The following WDFY3 variants were observed in gnomAD, a reference collection of about 807,000 sequenced individuals.
The protein encoded by WDFY3 is WD repeat and FYVE domain containing 3, also known as WD repeat and FYVE domain-containing protein 3.
In WDFY3, 66 loss-of-function variants were observed where a neutral mutation model predicts 409.6. That is an observed-to-expected ratio of 0.16 (90% confidence interval 0.13 to 0.20). The LOEUF (loss-of-function observed/expected upper bound fraction) is 0.20. WDFY3 is among the 10% of genes least tolerant of loss of function. WDFY3 has a pLI of 1.00. For missense variants in WDFY3, 3,031 were observed against 4,298.1 expected (o/e 0.71, Z 8.24); for synonymous variants, 1,521 against 1,537.1 (o/e 0.99, Z 0.25).
chr4:84,722,135 C>T (rs1451665222), intron 46 of WDFY3, among the ~76,000 whole-genome samples: 1 of 152,110 alleles, frequency 6.6e-6, no homozygotes, highest in Non-Finnish European at 1.5e-5. Context: ...CACCTATAAT[C>T]CCAGCACTTT....
intron 43 of WDFY3, among the ~76,000 whole-genome samples, chr4:84,734,602 C>T (rs1737129504): frequency 6.6e-6 from 1 of 152,146 alleles, no homozygotes; most frequent in Admixed American, 6.5e-5. Context: ...ACATAATCAC[C>T]AAGCACTTGT....
intron 2 of WDFY3, among the ~76,000 whole-genome samples, chr4:84,912,537 G>A (rs1767927650): frequency 6.6e-6 from 1 of 152,172 alleles, no homozygotes; most frequent in African/African-American, 2.4e-5. Context: ...AAAATAACAT[G>A]AAGGATCTAA....
intron 8 of WDFY3, among the ~76,000 whole-genome samples, chr4:84,831,185 CAAAAAAAAA>C (rs56810528): frequency 1.4e-4 from 14 of 103,356 alleles, no homozygotes; most frequent in Admixed American, 7.6e-4. Flanking sequence ...AGACTCCATC[CAAAAAAAAA>C]AAAAAAAAGA....
At chr4:84,773,764 A>G (rs1363717574) in intron 29 of WDFY3, among the ~76,000 whole-genome samples, 1 of 152,208 alleles carries the variant, frequency 6.6e-6, no homozygotes, top group Non-Finnish European at 1.5e-5. Flanking sequence ...CTTGTCACCC[A>G]GGCTGGAGTG....
rs923360413 is a variant in WDFY3, at chr4:84,817,593, G to A, written c.1694-8C>T. ...CAAATTCTCGAAAAATTCCTTGAAG[G>A]AAGGAGAAAAAGTCCAACAATGGCT... On this transcript the variant is annotated splice_polypyrimidine_tract_variant and splice_region_variant and intron_variant, in intron 12 of 67. Transcript: ENST00000295888. 2 of 1,587,194 alleles carry A rather than the reference G, an allele frequency of 1.3e-6. No homozygotes were observed. The highest frequency in any genetic ancestry group is 2.7e-5 in the African/African-American group (2 of 73,740).
At position 84,831,446 on chromosome 4, in the gene WDFY3, C is replaced by T; in HGVS notation, c.736G>A (p.Gly246Ser). 2 of 1,613,274 alleles carry T rather than the reference C, an allele frequency of 1.2e-6. No individual in the cohort carries two copies. Among genetic ancestry groups the T allele is most frequent in the Middle Eastern group, 1.7e-4 (1 of 6,056 alleles). ...TACTTCACTACATTGACACTAAGAC[C>T]ATGACGAGATATGGTCATGAGGACT... ...GEVLMTISRH[G>S]LSVNVVKYIH... Residue 246 changes from glycine to serine, a missense_variant, in exon 8 of 68, where the codon GGT becomes AGT. By Grantham distance (56) the Gly-to-Ser change is moderately conservative (BLOSUM62 0). Around this residue, in one of 16 missense-constraint regions of WDFY3, gnomAD observed 1,322 missense variants for 1,697.9 expected, o/e 0.78. Coordinates refer to ENST00000295888, the MANE Select transcript of WDFY3 (RefSeq NM_014991.6).
At position 84,751,538 on chromosome 4, in the gene WDFY3, T is replaced by G; in HGVS notation, c.5918A>C (p.Asn1973Thr). Reference sequence around the variant, plus strand: ...CTTGCTGGCAGGAGTGAGACAGAGGTTGTCTATGATTAAGACCCGCATGAA... The same window carrying G: ...CTTGCTGGCAGGAGTGAGACAGAGGGTGTCTATGATTAAGACCCGCATGAA... ...FDFMRVLIID[N>T]LCLTPASKQT... is the part of the protein sequence containing the mutation. Residue 1973 changes from asparagine to threonine, a missense_variant, in exon 36 of 68, where the codon AAC (asparagine) becomes ACC (threonine). Coordinates refer to ENST00000295888, the MANE Select transcript of WDFY3 (RefSeq NM_014991.6). 1 of 1,614,210 alleles carries G rather than the reference T, an allele frequency of 6.2e-7. No individual in the cohort carries two copies. Among genetic ancestry groups the G allele is most frequent in the Non-Finnish European group, 8.5e-7 (1 of 1,180,042 alleles).
intron 3 of WDFY3, among the ~76,000 whole-genome samples, chr4:84,875,894 G>T (rs1208690408): frequency 6.6e-6 from 1 of 152,086 alleles, no homozygotes; most frequent in Non-Finnish European, 1.5e-5. Flanking sequence ...GCCTTCTTCT[G>T]AGTACCTCCT....
At chr4:84,790,219 G>C (rs367849799) in intron 21 of WDFY3, among the ~76,000 whole-genome samples, 9 of 151,762 alleles carry the variant, frequency 5.9e-5, no homozygotes, top group Non-Finnish European at 1.2e-4. Context: ...GTATGGTGGC[G>C]CGCGTCTGTA....
chr4:84,922,880 C>T (rs917507765), intron 2 of WDFY3, among the ~76,000 whole-genome samples: 4 of 152,160 alleles, frequency 2.6e-5, no homozygotes, highest in African/African-American at 9.7e-5. Context: ...CCACCACACC[C>T]AGCCAAGGAA....
intron 56 of WDFY3, among the ~76,000 whole-genome samples, chr4:84,698,980 G>A (rs1472791424): frequency 6.6e-6 from 1 of 151,800 alleles, no homozygotes; most frequent in Admixed American, 6.6e-5. Context: ...GAGCCACTGC[G>A]ACCAGCCCCA....
chr4:84,709,721 G>GTTTGT (rs1235065322), intron 51 of WDFY3, among the ~76,000 whole-genome samples: 2 of 152,056 alleles, frequency 1.3e-5, no homozygotes, highest in African/African-American at 2.4e-5. Context: ...TCAACTTTCT[G>GTTTGT]TTTGTTTTGT....
chr4:84,789,580 G>T, intron 22 of WDFY3, 146 bp downstream of exon 22: 2 of 793,216 alleles, frequency 2.5e-6, no homozygotes, highest in Non-Finnish European at 3.8e-6. Flanking sequence ...TATTCAAATG[G>T]GTACTGAATA....
In WDFY3 at chr4:84,820,126, T is replaced by C; in HGVS notation, c.1652A>G (p.Glu551Gly). 1 of 1,607,688 alleles carries C rather than the reference T, an allele frequency of 6.2e-7. No individual in the cohort carries two copies. The change falls in exon 12 of 68, where the codon GAG becomes GGG. Residue 551 changes from glutamate to glycine, a missense_variant. This residue lies in a region of WDFY3 where 1,322 missense variants were observed against 1,697.9 expected (regional missense o/e 0.78). Transcript: ENST00000295888. The part of the protein sequence containing the change: ...DQKHLALLVM[E>G]TLTVLLQGSN... ...TCCTTGAAGAAGCACTGTCAAGGTCTCCATAACCAATAAAGCCAGGTGTTT... is the reference window on the plus strand; with the variant it reads ...TCCTTGAAGAAGCACTGTCAAGGTCCCCATAACCAATAAAGCCAGGTGTTT...
chr4:84,878,507 A>G (rs1578945969), intron 3 of WDFY3, among the ~76,000 whole-genome samples: 3 of 152,338 alleles, frequency 2.0e-5, no homozygotes, highest in South Asian at 2.1e-4. Flanking sequence ...TAATTATACT[A>G]TTGATTAATT....
chr4:84,931,289 C>T lies in WDFY3; in HGVS notation c.-132+981G>A, dbSNP rs114593886. ...GTCTTTAAAACAAAGAAAGCCAATG[C>T]AAAGCTTTTAAATTACCATGCCCTA... is the stretch of plus-strand genomic sequence containing the variant. On this transcript the variant is annotated intron_variant, in intron 2 of 67. Transcript: ENST00000295888. 3.4e-3 allele frequency among the ~76,000 whole-genome samples: 514 copies of T among 152,264 alleles called. 3 individuals are homozygous for T. The highest frequency in any genetic ancestry group is 4.8e-3 in the Non-Finnish European group (325 of 68,012).
rs869074191 is a variant in WDFY3 at position 84,850,928 on chromosome 4, G to GTTTTTTTTTTTTTTTTT, written c.181-920_181-904dup. Among the ~76,000 whole-genome samples, 20 of 46,246 alleles carry GTTTTTTTTTTTTTTTTT rather than the reference G, an allele frequency of 4.3e-4. 2 individuals are homozygous for GTTTTTTTTTTTTTTTTT. Among genetic ancestry groups the GTTTTTTTTTTTTTTTTT allele is most frequent in the East Asian group, 8.8e-4 (1 of 1,134 alleles). The allele number at this position is 46,246 out of a possible 152,430, so 30.3% of individuals were successfully genotyped here. A position where few individuals can be genotyped will look rare whatever the true frequency, so the allele number is the denominator to read the frequency against. Reference sequence around the variant, plus strand: ...TTCTTATTTTTAATTTTATTTATCTGTTTTTTTTTTTTTTTTTTTTTTTTT... The same window carrying GTTTTTTTTTTTTTTTTT: ...TTCTTATTTTTAATTTTATTTATCTGTTTTTTTTTTTTTTTTTTTTTTTTTTTTTTTTTTTTTTTTTT... On this transcript the variant is annotated intron_variant, in intron 4 of 67. Coordinates refer to ENST00000295888, the MANE Select transcript of WDFY3 (RefSeq NM_014991.6).
At chr4:84,728,790 A>C (rs1460685921) in intron 44 of WDFY3, among the ~76,000 whole-genome samples, 2 of 152,190 alleles carry the variant, frequency 1.3e-5, no homozygotes, top group African/African-American at 4.8e-5. Context: ...TCAATAGTAA[A>C]TATGTTATAC....
chr4:84,912,811 T>C (rs1219003821), intron 2 of WDFY3, among the ~76,000 whole-genome samples: 1 of 152,096 alleles, frequency 6.6e-6, no homozygotes, highest in Non-Finnish European at 1.5e-5. Context: ...AGCACCAGGA[T>C]TTAAGGGTAT....
Sources: gnomAD v4.1 joint callset for allele counts (sites outside exome capture counted in the v4.1 genomes callset) on GRCh38, gnomAD v4.1.1 for gene constraint, gnomAD v4.1.1 regional missense constraint, MANE v1.5 for transcripts, NCBI Gene and HGNC (gene_info 2026-07-23, HGNC 2026-07-21) for gene names.